Variants in LRGUK observed in about 807,000 individuals in gnomAD.
LRGUK encodes leucine-rich repeat and guanylate kinase domain-containing protein.
A neutral mutation model predicts 76.0 loss-of-function variants in LRGUK; 65 were observed. The observed-to-expected ratio is 0.85, with a 90% CI of 0.70 to 1.05. The LOEUF is 1.05. LRGUK is among the 50% of genes least tolerant of loss of function. LRGUK has a pLI of 0.00. For synonymous variants in LRGUK, 268 were observed against 265.6 expected (o/e 1.01, Z -0.09); for missense variants, 758 against 732.8 (o/e 1.03, Z -0.40).
chr7:134,128,652 C>T (rs979784388), intron 1 of LRGUK, among the ~76,000 whole-genome samples: 1 of 152,200 alleles, frequency 6.6e-6, no homozygotes, highest in Non-Finnish European at 1.5e-5. Context: ...TGGGTTCAAG[C>T]GATTGTCCTG....
intron 7 of LRGUK, 87 bp from the exon 8 acceptor site, chr7:134,174,469 A>G: frequency 1.3e-6 from 1 of 786,036 alleles, no homozygotes; most frequent in Non-Finnish European, 2.1e-6. Context: ...TTGAATTTAA[A>G]GGACCCAAAC....
intron 10 of LRGUK, among the ~76,000 whole-genome samples, chr7:134,179,576 A>G (rs1209038973): frequency 1.3e-5 from 2 of 152,316 alleles, no homozygotes; most frequent in South Asian, 4.1e-4. Context: ...ACATCTGGAA[A>G]AGCACATTTG....
rs544247071 is a variant in LRGUK at position 134,258,307 on chromosome 7, C to T, written c.2249C>T (p.Pro750Leu). 23 of 1,614,002 alleles carry T rather than the reference C, an allele frequency of 1.4e-5. No individual in the cohort carries two copies. The highest frequency in any genetic ancestry group is 4.0e-5 in the African/African-American group (3 of 74,992). Residue 750 changes from proline to leucine, a missense_variant, in exon 19 of 20, where the codon CCG (proline) becomes CTG (leucine). Pro to Leu is a moderately conservative substitution (Grantham distance 98). Transcript: ENST00000285928. ...AAATGTTCATTGTTTCGGTTCTGTC[C>T]GTGGTCAAAAGAATTGCCTTTCCAG...
chr7:134,273,655 A>G, the LRGUK span, among the ~76,000 whole-genome samples: 1 of 152,176 alleles, frequency 6.6e-6, no homozygotes, highest in Admixed American at 6.5e-5. Flanking sequence ...GAGTGATCAT[A>G]TTAACATACC....
chr7:134,188,190 C>A (rs1800053074), intron 11 of LRGUK, among the ~76,000 whole-genome samples: 1 of 152,084 alleles, frequency 6.6e-6, no homozygotes, highest in Non-Finnish European at 1.5e-5. Context: ...TAAATACTAA[C>A]AAGATAGTTT....
intron 15 of LRGUK, among the ~76,000 whole-genome samples, chr7:134,216,120 C>A (rs1801430019): frequency 1.3e-5 from 2 of 152,044 alleles, no homozygotes; most frequent in Non-Finnish European, 2.9e-5. Flanking sequence ...AATAATAGTA[C>A]CTACCTCAGT....
intron 11 of LRGUK, among the ~76,000 whole-genome samples, chr7:134,184,275 C>CTT (rs927208408): frequency 6.9e-6 from 1 of 144,440 alleles, no homozygotes; most frequent in East Asian, 2.0e-4. Flanking sequence ...TCTTTTTTTT[C>CTT]TTTTTTTTTT....
In LRGUK at chr7:134,199,980, TTTTA is replaced by T. The variant is rs1291638629; in HGVS notation, c.1747+561_1747+564del. 1.5e-3 allele frequency among the ~76,000 whole-genome samples: 105 copies of T among 69,558 alleles called. 1 individual carries two copies. Among genetic ancestry groups the T allele is most frequent in the Admixed American group, 3.9e-3 (20 of 5,152 alleles). The allele number at this position is 69,558 out of a possible 152,430, so 45.6% of individuals were successfully genotyped here. A position where few individuals can be genotyped will look rare whatever the true frequency, so the allele number is the denominator to read the frequency against. On this transcript the variant is annotated intron_variant, in intron 14 of 15. Coordinates refer to ENST00000645682, the Ensembl canonical transcript of LRGUK. ...ATTTCTATAGATATATTCTAGAAAC[TTTTA>T]TATATATATATATATATATATATAT... is the stretch of plus-strand genomic sequence containing the variant.
chr7:134,198,178 A>T (rs1280347982), intron 13 of LRGUK, among the ~76,000 whole-genome samples: 1 of 152,188 alleles, frequency 6.6e-6, no homozygotes, highest in Non-Finnish European at 1.5e-5. Context: ...TTGGTTTTGT[A>T]TCTTTAAGGA....
intron 16 of LRGUK, among the ~76,000 whole-genome samples, chr7:134,238,665 A>G (rs1362928487): frequency 6.6e-6 from 1 of 151,984 alleles, no homozygotes; most frequent in African/African-American, 2.4e-5. Context: ...TCTTTCGTTT[A>G]TTCTGAATTA....
chr7:134,183,666 A>C, intron 10 of LRGUK, 68 bp from the exon 11 acceptor site: 1 of 1,586,932 alleles, frequency 6.3e-7, no homozygotes, highest in South Asian at 1.1e-5. Context: ...ATGGTGGCCT[A>C]ATGGATGTAG....
chr7:134,263,743 C>T (rs1265996352), intron 19 of LRGUK, 102 bp from the exon 20 acceptor site: 3 of 1,128,844 alleles, frequency 2.7e-6, no homozygotes, highest in Non-Finnish European at 3.6e-6. Context: ...TTGTCATGAA[C>T]GAATTCTAGA....
chr7:134,131,126 G>T (rs935802715), intron 1 of LRGUK, among the ~76,000 whole-genome samples: 1 of 152,028 alleles, frequency 6.6e-6, no homozygotes, highest in Non-Finnish European at 1.5e-5. Context: ...GAAGTTTCTG[G>T]GCCCAAAAAT....
chr7:134,191,878 T>C, intron 12 of LRGUK, 127 bp downstream of exon 12: 1 of 599,162 alleles, frequency 1.7e-6, no homozygotes, highest in Non-Finnish European at 2.8e-6. Context: ...GGTGAGTTTT[T>C]ATGGGGTTTT....
At chr7:134,143,689 A>G (rs1461689428) in intron 4 of LRGUK, among the ~76,000 whole-genome samples, 2 of 151,968 alleles carry the variant, frequency 1.3e-5, no homozygotes, top group African/African-American at 4.9e-5. Flanking sequence ...TAATGCTTTC[A>G]GATCTCCATT....
intron 3 of LRGUK, among the ~76,000 whole-genome samples, chr7:134,141,258 A>C (rs1797753948): frequency 6.6e-6 from 1 of 152,146 alleles, no homozygotes. Context: ...GGTGCAGGCC[A>C]AACTTCAGAC....
chr7:134,168,696 A>G (rs1401435042), intron 7 of LRGUK, among the ~76,000 whole-genome samples: 2 of 152,156 alleles, frequency 1.3e-5, no homozygotes, highest in Non-Finnish European at 2.9e-5. Flanking sequence ...GTGGTGGATG[A>G]GGAAGAAGAT....
intron 18 of LRGUK, among the ~76,000 whole-genome samples, chr7:134,250,227 T>C (rs755442372): frequency 5.9e-5 from 9 of 152,204 alleles, no homozygotes; most frequent in Admixed American, 2.0e-4. Context: ...TTTTTTCCTG[T>C]AACACCTAAA....
chr7:134,129,042 TTTC>T (rs938660899), intron 1 of LRGUK, among the ~76,000 whole-genome samples: 14 of 119,348 alleles, frequency 1.2e-4, no homozygotes, highest in African/African-American at 4.4e-4. Context: ...AGTAGAATAT[TTTC>T]TTTTCTTTTT....
Sources: gnomAD v4.1 joint callset for allele counts (sites outside exome capture counted in the v4.1 genomes callset) on GRCh38, gnomAD v4.1.1 for gene constraint, MANE v1.5 for transcripts, NCBI Gene and HGNC (gene_info 2026-07-23, HGNC 2026-07-21) for gene names.